Variants in HEATR4 observed in about 807,000 individuals in gnomAD.
The protein encoded by HEATR4 is HEAT repeat-containing protein 4.
A neutral mutation model predicts 108.8 loss-of-function variants in HEATR4; 95 were observed. The ratio of observed to expected loss-of-function variants is 0.87; its 90% CI spans 0.74 to 1.04. The LOEUF is 1.04. Among genes scored for constraint, HEATR4 ranks in the 50% least tolerant of loss-of-function variants. The pLI is 0.00. For synonymous variants in HEATR4, 443 were observed against 459.4 expected (o/e 0.96, Z 0.46); for missense variants, 1,152 against 1,253.8 (o/e 0.92, Z 1.23).
intron 12 of HEATR4, 88 bp downstream of exon 12, chr14:73,500,462 G>A: frequency 7.4e-7 from 1 of 1,352,686 alleles, no homozygotes; most frequent in South Asian, 1.4e-5. Context: ...TGTCCCCACA[G>A]AATGTTGAGC....
chr14:73,613,372 G>A, the HEATR4 span, among the ~76,000 whole-genome samples: 29 of 152,102 alleles, frequency 1.9e-4, no homozygotes, highest in African/African-American at 5.6e-4. Context: ...TTTATTGAGA[G>A]CCACTATGTG....
At chr14:73,594,435 T>TGGCTCAGC in the HEATR4 span, among the ~76,000 whole-genome samples, 21 of 151,100 alleles carry the variant, frequency 1.4e-4, no homozygotes, top group South Asian at 3.1e-3. Context: ...ATGGGATCTG[T>TGGCTCAGC]GGCTCAGCGG....
intron 17 of HEATR4, among the ~76,000 whole-genome samples, chr14:73,484,253 A>G (rs1302028901): frequency 6.6e-6 from 1 of 152,028 alleles, no homozygotes; most frequent in Non-Finnish European, 1.5e-5. Context: ...TGGAAATTCA[A>G]CATCCTAGAT....
the HEATR4 span, chr14:73,569,532 G>A: frequency 6.2e-7 from 1 of 1,606,218 alleles, no homozygotes; most frequent in South Asian, 1.1e-5. Flanking sequence ...CACGCTGCGC[G>A]CGTCCCTGCG....
chr14:73,585,774 A>C, the HEATR4 span, among the ~76,000 whole-genome samples: 4 of 129,958 alleles, frequency 3.1e-5, no homozygotes, highest in Non-Finnish European at 6.8e-5. Context: ...TACACTGGGA[A>C]GGGAATGAAA....
At chr14:73,577,989 T>C in the HEATR4 span, among the ~76,000 whole-genome samples, 1 of 151,848 alleles carries the variant, frequency 6.6e-6, no homozygotes, top group African/African-American at 2.4e-5. Flanking sequence ...TAGCTGGGAA[T>C]ACAGGCACCC....
chr14:73,524,310 A>AAAATAT lies in HEATR4; in HGVS notation c.-72-1087_-72-1086insATATTT. 1.5e-3 allele frequency among the ~76,000 whole-genome samples: 80 copies of AAAATAT among 54,760 alleles called. 2 individuals are homozygous for AAAATAT. The highest frequency in any genetic ancestry group is 3.2e-3 in the South Asian group (4 of 1,266). The allele number at this position is 54,760 out of a possible 152,430, so 35.9% of individuals were successfully genotyped here. A position where few individuals can be genotyped will look rare whatever the true frequency, so the allele number is the denominator to read the frequency against. On this transcript the variant is annotated intron_variant, in intron 2 of 17. Coordinates refer to ENST00000553558, the MANE Select transcript of HEATR4 (RefSeq NM_001220484.1). ...CTCCGTCTCAAAAAAAAAAAAAAAA[A>AAAATAT]ATATATATATATATATATATATATA... is the stretch of plus-strand genomic sequence containing the variant.
chr14:73,561,107 T>C (rs1889525494), upstream of HEATR4, among the ~76,000 whole-genome samples: 1 of 152,080 alleles, frequency 6.6e-6, no homozygotes, highest in African/African-American at 2.4e-5. Flanking sequence ...GGCTCAGGCC[T>C]GTAATCCCAG....
intron 1 of HEATR4, among the ~76,000 whole-genome samples, chr14:73,534,263 C>T (rs963297438): frequency 3.6e-5 from 4 of 110,298 alleles, no homozygotes; most frequent in Admixed American, 1.0e-4. Flanking sequence ...ACTGTAATCC[C>T]AGCTACTCAA....
At chr14:73,598,022 C>T in the HEATR4 span, among the ~76,000 whole-genome samples, 2 of 151,464 alleles carry the variant, frequency 1.3e-5, no homozygotes, top group Non-Finnish European at 2.9e-5. Flanking sequence ...CTGCACCAGG[C>T]TTGTTTATGG....
upstream of HEATR4, among the ~76,000 whole-genome samples, chr14:73,562,288 C>A (rs1352410881): frequency 6.6e-6 from 1 of 151,952 alleles, no homozygotes; most frequent in Admixed American, 6.6e-5. Context: ...TTTATCAGTT[C>A]CCAAATAATA....
chr14:73,612,052 T>C, the HEATR4 span, among the ~76,000 whole-genome samples: 3 of 152,114 alleles, frequency 2.0e-5, no homozygotes, highest in Non-Finnish European at 2.9e-5. Flanking sequence ...CTCTTTTTTT[T>C]TTTTTTTAGA....
chr14:73,577,825 T>C, the HEATR4 span, among the ~76,000 whole-genome samples: 1 of 151,828 alleles, frequency 6.6e-6, no homozygotes, highest in Non-Finnish European at 1.5e-5. Flanking sequence ...TCAGCCTGGG[T>C]AACATAGTGG....
chr14:73,558,405 G>A (rs1889439418), intron 1 of HEATR4, among the ~76,000 whole-genome samples: 1 of 135,058 alleles, frequency 7.4e-6, no homozygotes, highest in African/African-American at 2.8e-5. Flanking sequence ...TCACTCTCCT[G>A]GAGTACAGTG....
chr14:73,601,538 T>A, the HEATR4 span, among the ~76,000 whole-genome samples: 1 of 152,240 alleles, frequency 6.6e-6, no homozygotes, highest in Non-Finnish European at 1.5e-5. Context: ...CATTCCAGCC[T>A]GGGCAACAGA....
intron 1 of HEATR4, among the ~76,000 whole-genome samples, chr14:73,547,800 C>T (rs1889257780): frequency 8.7e-6 from 1 of 114,766 alleles, no homozygotes; most frequent in South Asian, 2.8e-4. Context: ...GTGGGTGAAT[C>T]GCTTGAACCT....
intron 8 of HEATR4, 68 bp from the exon 9 acceptor site, chr14:73,508,362 A>C: frequency 7.0e-7 from 1 of 1,423,494 alleles, no homozygotes; most frequent in Middle Eastern, 2.5e-4. Flanking sequence ...CAGCCTTTGG[A>C]TTGATACCCA....
At chr14:73,527,527 T>A (rs1159001127) in intron 2 of HEATR4, 1 of 140,152 alleles carries the variant, frequency 7.1e-6, no homozygotes. Context: ...TTTACTTCTC[T>A]AATAAACTTG....
chr14:73,500,253 A>G (rs1160472788), intron 12 of HEATR4, among the ~76,000 whole-genome samples: 1 of 151,678 alleles, frequency 6.6e-6, no homozygotes, highest in Non-Finnish European at 1.5e-5. Flanking sequence ...AAACAAACAA[A>G]AAAACCATGA....
Sources: gnomAD v4.1 joint callset for allele counts (sites outside exome capture counted in the v4.1 genomes callset) on GRCh38, gnomAD v4.1.1 for gene constraint, MANE v1.5 for transcripts, NCBI Gene and HGNC (gene_info 2026-07-23, HGNC 2026-07-21) for gene names.